Variants in COP1 observed in about 807,000 individuals in gnomAD.
The protein encoded by COP1 is E3 ubiquitin-protein ligase COP1.
In COP1, 24 loss-of-function variants were observed where a neutral mutation model predicts 101.3. The ratio of observed to expected loss-of-function variants is 0.24; its 90% CI spans 0.17 to 0.33. The LOEUF is 0.33. Among genes scored for constraint, COP1 ranks in the 10% least tolerant of loss-of-function variants. The pLI is 1.00. For missense variants in COP1, 663 were observed against 906.2 expected, an observed-to-expected ratio of 0.73 and a Z score of 3.45; for synonymous variants, 347 against 341.9, an observed-to-expected ratio of 1.01 and a Z score of -0.17.
intron 15 of COP1, among the ~76,000 whole-genome samples, chr1:176,015,208 A>G (rs1665411151): frequency 6.6e-6 from 1 of 152,200 alleles, no homozygotes; most frequent in African/African-American, 2.4e-5. Flanking sequence ...AAGAGATCAA[A>G]GCAGGAACGC....
chr1:176,124,106 T>C (rs1687601207), intron 8 of COP1, among the ~76,000 whole-genome samples: 1 of 152,184 alleles, frequency 6.6e-6, no homozygotes. Context: ...TTAGATCTTT[T>C]TAATTTTTTT....
intron 9 of COP1, among the ~76,000 whole-genome samples, chr1:176,113,510 C>T (rs1225723652): frequency 6.6e-6 from 1 of 152,114 alleles, no homozygotes; most frequent in Non-Finnish European, 1.5e-5. Context: ...GATTCAGTTT[C>T]TACTGGTTTC....
intron 11 of COP1, among the ~76,000 whole-genome samples, chr1:176,068,606 T>A (rs1013704906): frequency 6.6e-6 from 1 of 152,220 alleles, no homozygotes; most frequent in Non-Finnish European, 1.5e-5. Flanking sequence ...TATTTCCAGT[T>A]AAGCTAGATA....
intron 5 of COP1, among the ~76,000 whole-genome samples, chr1:176,155,017 A>G (rs1263363982): frequency 2.6e-5 from 4 of 152,196 alleles, no homozygotes; most frequent in Non-Finnish European, 5.9e-5. Flanking sequence ...CATAAGACGA[A>G]TATTTACAAA....
At chr1:175,989,104 GGATGA>G in intron 16 of COP1, 1 of 289,430 alleles carries the variant, frequency 3.5e-6, no homozygotes, top group South Asian at 1.4e-4. Context: ...AAACATAGGA[GGATGA>G]GATAAGGGGG....
At chr1:176,103,363 G>A (rs942627501) in intron 9 of COP1, among the ~76,000 whole-genome samples, 1 of 152,168 alleles carries the variant, frequency 6.6e-6, no homozygotes, top group African/African-American at 2.4e-5. Context: ...GAGGCCTGGA[G>A]ATTAAGCTCT....
At position 176,136,355 on chromosome 1, in the gene COP1, G is replaced by A. The variant is rs113897469; in HGVS notation, c.891+133C>T. 1.2e-3 allele frequency: 528 copies of A among 449,336 alleles called. 4 individuals are homozygous for A. The highest frequency in any genetic ancestry group is 9.6e-3 in the African/African-American group (472 of 48,950). The allele number at this position is 449,336 out of a possible 1,614,324, so 27.8% of individuals were successfully genotyped here. On this transcript the variant is annotated intron_variant, in intron 7 of 19. Transcript: ENST00000367669. ...TTTCTACAAAAATTCATCCTCAATT[G>A]AAATGAAAGTAACAGCTGTTACTTT...
chr1:176,162,894 A>C lies in COP1; in HGVS notation c.737T>G (p.Val246Gly). 1 of 1,607,472 alleles carries C rather than the reference A, an allele frequency of 6.2e-7. No homozygotes were observed. Among genetic ancestry groups the C allele is most frequent in the South Asian group, 1.1e-5 (1 of 89,206 alleles). The change falls in exon 5 of 20, where the codon GTG (valine) becomes GGG (glycine). Residue 246 changes from valine to glycine, a missense_variant. Around this residue, in one of 4 missense-constraint regions of COP1, gnomAD observed 212 missense variants for 240.7 expected, o/e 0.88. Transcript: ENST00000367669. ...TGCTTCCAGTTGTTTCTTCTTCTGCACTAGTAACTCCAACATAAGATTGAC... is the reference window on the plus strand; with the variant it reads ...TGCTTCCAGTTGTTTCTTCTTCTGCCCTAGTAACTCCAACATAAGATTGAC... Reference protein sequence around the residue: ...ANVNLMLELLVQKKKQLEAES... With the variant: ...ANVNLMLELLGQKKKQLEAES...
Position 176,124,725 on chromosome 1 carries a change from A to G in COP1, c.969-8044T>C, listed in dbSNP as rs138928350. Among the ~76,000 whole-genome samples the G allele has an allele frequency of 2.6e-3, 400 of 152,328 alleles. 3 individuals carry two copies. The highest frequency in any genetic ancestry group is 9.2e-3 in the African/African-American group (382 of 41,570). On this transcript the variant is annotated intron_variant, in intron 8 of 19. Transcript: ENST00000367669. ...TGGCTATTGTGAACAGTGCTGCAAC[A>G]AACATGGGAATGCAGATAACTCTTT...
intron 2 of COP1, among the ~76,000 whole-genome samples, chr1:176,178,800 C>G (rs1158329912): frequency 6.6e-6 from 1 of 151,872 alleles, no homozygotes; most frequent in Non-Finnish European, 1.5e-5. Flanking sequence ...TTGCAGTGAA[C>G]CAAGATCACA....
intron 11 of COP1, among the ~76,000 whole-genome samples, chr1:176,059,415 C>T (rs891822915): frequency 6.6e-6 from 1 of 151,986 alleles, no homozygotes; most frequent in African/African-American, 2.4e-5. Flanking sequence ...TTTTATTTCT[C>T]CTTTATATTA....
chr1:176,112,706 C>T (rs1306075785), intron 9 of COP1, among the ~76,000 whole-genome samples: 1 of 152,142 alleles, frequency 6.6e-6, no homozygotes, highest in Non-Finnish European at 1.5e-5. Flanking sequence ...TCTCTCCATT[C>T]CCCCTCCTTG....
chr1:176,162,967 A>G lies in COP1; in HGVS notation c.664T>C (p.Phe222Leu), dbSNP rs946975168. The G allele has an allele frequency of 6.2e-7, 1 of 1,606,450 alleles. No homozygotes were observed. Among genetic ancestry groups the G allele is most frequent in the Non-Finnish European group, 8.5e-7 (1 of 1,176,584 alleles). The change falls in exon 5 of 20, where the codon TTT becomes CTT. Residue 222 changes from phenylalanine to leucine, a missense_variant. This residue lies in a region of COP1 where 212 missense variants were observed against 240.7 expected (regional missense o/e 0.88). Transcript: ENST00000367669. ...SSTNGHRWQI[F>L]QDWLGTDQDN... ...TGGTCAGTTCCCAACCAATCTTGAA[A>G]TATCTGCCACCTGTGGCCATTCTAA...
chr1:175,950,237 C>A (rs905598749), intron 18 of COP1, among the ~76,000 whole-genome samples: 50 of 149,928 alleles, frequency 3.3e-4, no homozygotes, highest in African/African-American at 1.2e-3. Flanking sequence ...AGTCAACATA[C>A]GAATTGAATG....
chr1:176,124,211 A>G (rs1687629083), intron 8 of COP1, among the ~76,000 whole-genome samples: 1 of 152,186 alleles, frequency 6.6e-6, no homozygotes, highest in South Asian at 2.1e-4. Flanking sequence ...ATATCACAAC[A>G]TGGAGAATGT....
chr1:176,009,983 A>G (rs777584501), intron 15 of COP1, among the ~76,000 whole-genome samples: 4 of 151,958 alleles, frequency 2.6e-5, no homozygotes, highest in Non-Finnish European at 5.9e-5. Context: ...ATAATGAGGA[A>G]TTAGGGTACA....
chr1:176,128,019 T>G (rs1350507905), intron 8 of COP1, among the ~76,000 whole-genome samples: 1 of 80,608 alleles, frequency 1.2e-5, no homozygotes, highest in Non-Finnish European at 3.4e-5. Flanking sequence ...TGTCTTCTTT[T>G]CTATGTCTTC....
intron 8 of COP1, among the ~76,000 whole-genome samples, chr1:176,118,126 G>C (rs1686516217): frequency 6.6e-6 from 1 of 152,184 alleles, no homozygotes; most frequent in Non-Finnish European, 1.5e-5. Context: ...CTCTGGGCAA[G>C]TGATTAATCT....
rs566910627 is a variant in COP1 at position 175,972,549 on chromosome 1, C to A, written c.2133+14394G>T. Among the ~76,000 whole-genome samples, 17 of 150,172 alleles carry A rather than the reference C, an allele frequency of 1.1e-4. No individual in the cohort carries two copies. In the East Asian group the frequency reaches 3.3e-3, roughly 29 times the overall value. On this transcript the variant is annotated intron_variant, in intron 18 of 19. Transcript: ENST00000367669. ...GTGTGATCTCGGCTCACTGCAACTG[C>A]CACCTCCCGGGTTCAAGCGATTCTC...
Sources: gnomAD v4.1 joint callset for allele counts (sites outside exome capture counted in the v4.1 genomes callset) on GRCh38, gnomAD v4.1.1 for gene constraint, gnomAD v4.1.1 regional missense constraint, MANE v1.5 for transcripts, NCBI Gene and HGNC (gene_info 2026-07-23, HGNC 2026-07-21) for gene names.